SDHAF4: variants seen among roughly 807,000 people sequenced by gnomAD.
SDHAF4 encodes the protein succinate dehydrogenase assembly factor 4, mitochondrial.
Under a neutral mutation model 14.3 loss-of-function variants are expected in SDHAF4, and 14 were observed. The observed-to-expected ratio is 0.98, with a 90% CI of 0.65 to 1.53. SDHAF4 has a LOEUF of 1.53. Among genes scored for constraint, SDHAF4 ranks in the 40% most tolerant of loss-of-function variants. SDHAF4 has a pLI of 0.00. For missense variants in SDHAF4, 141 were observed against 129.3 expected (o/e 1.09, Z -0.44); for synonymous variants, 63 against 47.3 (o/e 1.33, Z -1.36).
At chr6:70,584,770 T>G (rs1765177784) in intron 2 of SDHAF4, among the ~76,000 whole-genome samples, 1 of 151,844 alleles carries the variant, frequency 6.6e-6, no homozygotes, top group Non-Finnish European at 1.5e-5. Flanking sequence ...AATAATAAAG[T>G]CCAGTGGACA....
chr6:70,571,391 T>C (rs113825636), intron 1 of SDHAF4, among the ~76,000 whole-genome samples: 3,230 of 152,310 alleles, frequency 0.021, 110 homozygotes, highest in African/African-American at 0.074. Context: ...TATTATACAC[T>C]GAAACCCCTG....
intron 2 of SDHAF4, among the ~76,000 whole-genome samples, chr6:70,588,015 T>C (rs1765223397): frequency 6.6e-6 from 1 of 152,238 alleles, no homozygotes; most frequent in Non-Finnish European, 1.5e-5. Context: ...AGAAGTATGA[T>C]TGTTCTCTCC....
intron 1 of SDHAF4, among the ~76,000 whole-genome samples, chr6:70,572,666 G>T: frequency 6.7e-6 from 1 of 149,940 alleles, no homozygotes; most frequent in East Asian, 2.0e-4. Flanking sequence ...TTTTAAACAT[G>T]CAAATGGTGC....
rs370543206 is a variant in SDHAF4, at chr6:70,566,934, C to A, written c.-7C>A. 2 of 1,576,856 alleles carry A rather than the reference C, an allele frequency of 1.3e-6. No individual in the cohort carries two copies. Among genetic ancestry groups the A allele is most frequent in the Non-Finnish European group, 8.6e-7 (1 of 1,161,314 alleles). ...GCGCCTGCGCGGAGGCTCGGGGAGTCGGCGCCATGACCCCATCGAGGCTTC... is the reference window on the plus strand; with the variant it reads ...GCGCCTGCGCGGAGGCTCGGGGAGTAGGCGCCATGACCCCATCGAGGCTTC... On this transcript the variant is annotated 5_prime_UTR_variant, in exon 1 of 3. Coordinates refer to ENST00000370474, the MANE Select transcript of SDHAF4 (RefSeq NM_145267.3).
chr6:70,588,842 A>AATATATATAG lies in SDHAF4; in HGVS notation c.*127_*128insGATATATATA. On this transcript the variant is annotated 3_prime_UTR_variant, in exon 3 of 3. Transcript: ENST00000370474. The stretch of plus-strand genomic sequence containing the variant: ...TCGTGTAGTTTGTATAATGTGTTTA[A>AATATATATAG]ATATATATATATATGATGGCTTTGG... The AATATATATAG allele has an allele frequency of 2.9e-6, 1 of 339,216 alleles. No individual in the cohort carries two copies. The highest frequency in any genetic ancestry group is 5.5e-6 in the Non-Finnish European group (1 of 181,986). 21.0% of individuals were successfully genotyped at this position (339,216 alleles called of 1,614,324 possible).
chr6:70,575,352 T>G (rs1802240268), intron 1 of SDHAF4, among the ~76,000 whole-genome samples: 1 of 151,468 alleles, frequency 6.6e-6, no homozygotes, highest in African/African-American at 2.4e-5. Context: ...CACTCCAGCC[T>G]GGGGGACAGA....
intron 2 of SDHAF4, among the ~76,000 whole-genome samples, chr6:70,580,505 G>T (rs1802309534): frequency 1.3e-5 from 2 of 152,128 alleles, no homozygotes. Context: ...TGAAAGCAGG[G>T]ACTTGAACAG....
intron 2 of SDHAF4, among the ~76,000 whole-genome samples, chr6:70,587,015 C>CA (rs1765209110): frequency 1.3e-5 from 2 of 151,274 alleles, no homozygotes; most frequent in South Asian, 4.2e-4. Context: ...ACTAAAAATA[C>CA]AAAAAATTAG....
At chr6:70,594,807 G>A in the SDHAF4 span, among the ~76,000 whole-genome samples, 1 of 151,940 alleles carries the variant, frequency 6.6e-6, no homozygotes, top group Non-Finnish European at 1.5e-5. Flanking sequence ...AGCTACTCGG[G>A]AGGCTGAAGC....
the SDHAF4 span, among the ~76,000 whole-genome samples, chr6:70,594,684 G>A: frequency 0.18 from 26,712 of 152,118 alleles, 2,492 homozygotes; most frequent in Middle Eastern, 0.24. Flanking sequence ...AGGCCAAGGC[G>A]GGTATATCAC....
chr6:70,588,774 A>G lies in SDHAF4; in HGVS notation c.*50A>G. The G allele has an allele frequency of 9.6e-7, 1 of 1,039,442 alleles. No homozygotes were observed. Among genetic ancestry groups the G allele is most frequent in the Non-Finnish European group, 1.5e-6 (1 of 685,146 alleles). 64.4% of individuals were successfully genotyped at this position (1,039,442 alleles called of 1,614,324 possible). On this transcript the variant is annotated 3_prime_UTR_variant, in exon 3 of 3. Transcript: ENST00000370474. The stretch of plus-strand genomic sequence containing the variant: ...TTGTTTTCTGAATATGTACATCTGA[A>G]TTAACTTATTTCTGATTATTTTCTT...
At chr6:70,582,901 C>T (rs1218657899) in intron 2 of SDHAF4, among the ~76,000 whole-genome samples, 1 of 152,190 alleles carries the variant, frequency 6.6e-6, no homozygotes, top group South Asian at 2.1e-4. Context: ...AGGTTGTCTC[C>T]TTGAAAAGAG....
chr6:70,589,564 A>T lies in SDHAF4; in HGVS notation c.*840A>T, dbSNP rs948631682. 1.3e-5 allele frequency: 2 copies of T among 152,206 alleles called. No individual in the cohort carries two copies. The highest frequency in any genetic ancestry group is 2.9e-5 in the Non-Finnish European group (2 of 68,042). 9.4% of individuals were successfully genotyped at this position (152,206 alleles called of 1,614,324 possible). A position where few individuals can be genotyped will look rare whatever the true frequency, so the allele number is the denominator to read the frequency against. On this transcript the variant is annotated 3_prime_UTR_variant, in exon 3 of 3. Transcript: ENST00000370474. The stretch of plus-strand genomic sequence containing the variant: ...TGCATACATAAATAAAATAATTTTT[A>T]AAAAATGATTGTGTTGCTGCGTGCT...
In SDHAF4 at chr6:70,588,746, A is replaced by G. The variant is rs761222714; in HGVS notation, c.*22A>G. On this transcript the variant is annotated 3_prime_UTR_variant, in exon 3 of 3. Transcript: ENST00000370474. ...TTAAGTCGCATATTCTTTAACTTCA[A>G]TATTGTTTTCTGAATATGTACATCT... is the stretch of plus-strand genomic sequence containing the variant. 2 of 1,389,934 alleles carry G rather than the reference A, an allele frequency of 1.4e-6. No homozygotes were observed. Among genetic ancestry groups the G allele is most frequent in the Non-Finnish European group, 2.0e-6 (2 of 989,540 alleles). The allele number at this position is 1,389,934 out of a possible 1,614,324, so 86.1% of individuals were successfully genotyped here. A position where few individuals can be genotyped will look rare whatever the true frequency, so the allele number is the denominator to read the frequency against.
At chr6:70,597,824 G>A in the SDHAF4 span, among the ~76,000 whole-genome samples, 1 of 152,168 alleles carries the variant, frequency 6.6e-6, no homozygotes, top group Non-Finnish European at 1.5e-5. Flanking sequence ...AGTGAGCAGA[G>A]TGATAAAACT....
At chr6:70,576,722 C>A (rs2691486) in intron 1 of SDHAF4, among the ~76,000 whole-genome samples, 48,895 of 152,074 alleles carry the variant, frequency 0.32, 12,365 homozygotes, top group African/African-American at 0.7. Context: ...TTCCATCAAA[C>A]TAAAAATAAA....
chr6:70,595,087 T>C, the SDHAF4 span, among the ~76,000 whole-genome samples: 1 of 152,082 alleles, frequency 6.6e-6, no homozygotes, highest in Non-Finnish European at 1.5e-5. Flanking sequence ...TGTGGCATTT[T>C]GATAAGTGGG....
intron 1 of SDHAF4, among the ~76,000 whole-genome samples, chr6:70,572,046 G>A (rs1802186335): frequency 8.0e-6 from 1 of 124,452 alleles, no homozygotes; most frequent in Admixed American, 8.3e-5. Flanking sequence ...AACACTTTCA[G>A]TCTTTTTTTG....
At chr6:70,583,382 A>C (rs1377139788) in intron 2 of SDHAF4, among the ~76,000 whole-genome samples, 1 of 152,108 alleles carries the variant, frequency 6.6e-6, no homozygotes, top group Non-Finnish European at 1.5e-5. Context: ...CAAAGTGCTG[A>C]GGTTACAGGT....
Sources: gnomAD v4.1 joint callset for allele counts (sites outside exome capture counted in the v4.1 genomes callset) on GRCh38, gnomAD v4.1.1 for gene constraint, MANE v1.5 for transcripts, NCBI Gene and HGNC (gene_info 2026-07-23, HGNC 2026-07-21) for gene names.